Variants in CCDC178 observed in about 807,000 individuals in gnomAD.
The protein encoded by CCDC178 is coiled-coil domain-containing protein 178.
In CCDC178, 126 loss-of-function variants were observed where a neutral mutation model predicts 117.4. The ratio of observed to expected loss-of-function variants is 1.07; its 90% CI spans 0.93 to 1.24. The LOEUF (loss-of-function observed/expected upper bound fraction) is 1.24, where lower values mean the gene tolerates loss of function less well. Among genes scored for constraint, CCDC178 ranks in the 50% most tolerant of loss-of-function variants. CCDC178 has a pLI of 0.00. For synonymous variants in CCDC178, 283 were observed against 313.4 expected, an observed-to-expected ratio of 0.90 and a Z score of 1.02; for missense variants, 1,030 against 986.9, an observed-to-expected ratio of 1.04 and a Z score of -0.59.
intron 6 of CCDC178, among the ~76,000 whole-genome samples, chr18:33,369,419 A>C (rs928713607): frequency 6.6e-6 from 1 of 151,924 alleles, no homozygotes; most frequent in African/African-American, 2.4e-5. Flanking sequence ...AAAATAGCAC[A>C]GGTCTCTGGA....
Position 33,159,313 on chromosome 18 carries a change from C to T in CCDC178, c.2238+52583G>A, listed in dbSNP as rs187998429. ...AAATCTTTATGAAAGTGGCCTAGTG[C>T]CATTTTGTTGAACATTATGGTATGA... On this transcript the variant is annotated intron_variant, in intron 20 of 22. Transcript: ENST00000383096. Among the ~76,000 whole-genome samples the T allele has an allele frequency of 2.7e-3, 417 of 152,138 alleles. 1 individual carries two copies. Among genetic ancestry groups the T allele is most frequent in the Non-Finnish European group, 4.4e-3 (296 of 67,932 alleles).
At chr18:33,166,143 C>T (rs2058525720) in intron 20 of CCDC178, among the ~76,000 whole-genome samples, 1 of 152,128 alleles carries the variant, frequency 6.6e-6, no homozygotes, top group African/African-American at 2.4e-5. Flanking sequence ...TTTATAGGTC[C>T]TTCCTCTCCC....
chr18:33,080,312 G>A (rs917911858), intron 21 of CCDC178, among the ~76,000 whole-genome samples: 5 of 152,010 alleles, frequency 3.3e-5, no homozygotes, highest in African/African-American at 1.2e-4. Flanking sequence ...ACAGAAAATA[G>A]GTACTATGTT....
intron 22 of CCDC178, among the ~76,000 whole-genome samples, chr18:32,952,962 T>C: frequency 6.6e-6 from 1 of 151,718 alleles, no homozygotes; most frequent in African/African-American, 2.4e-5. Context: ...TTAGTAGAGA[T>C]GGGGTTTCAC....
intron 21 of CCDC178, among the ~76,000 whole-genome samples, chr18:33,058,425 A>G (rs1400285672): frequency 6.6e-6 from 1 of 152,226 alleles, no homozygotes; most frequent in Non-Finnish European, 1.5e-5. Flanking sequence ...TGCATCCTCA[A>G]TGGCCATAGT....
chr18:33,365,964 A>G (rs2063199702), intron 6 of CCDC178, among the ~76,000 whole-genome samples: 1 of 152,076 alleles, frequency 6.6e-6, no homozygotes, highest in Non-Finnish European at 1.5e-5. Context: ...CACTCTGAAG[A>G]GTTTTTCAGT....
intron 22 of CCDC178, chr18:32,938,379 C>T (rs1198904501): frequency 3.8e-6 from 1 of 259,796 alleles, no homozygotes; most frequent in African/African-American, 2.2e-5. Context: ...CACTATCATC[C>T]TTGTCCCATT....
intron 21 of CCDC178, among the ~76,000 whole-genome samples, chr18:33,085,370 T>A (rs1279173346): frequency 6.6e-6 from 1 of 152,296 alleles, no homozygotes; most frequent in East Asian, 1.9e-4. Flanking sequence ...GAGACCATCC[T>A]GGCTAACACG....
chr18:33,051,078 A>T (rs1003046560), intron 21 of CCDC178, among the ~76,000 whole-genome samples: 8 of 152,072 alleles, frequency 5.3e-5, no homozygotes, highest in Non-Finnish European at 1.0e-4. Flanking sequence ...TCGCCCAGCT[A>T]ATTTTTGTAT....
chr18:33,305,007 A>G (rs970105321), intron 11 of CCDC178, among the ~76,000 whole-genome samples: 6 of 152,076 alleles, frequency 3.9e-5, no homozygotes, highest in African/African-American at 1.4e-4. Flanking sequence ...GCTCCTTCTT[A>G]TCAGTTCTGT....
intron 20 of CCDC178, among the ~76,000 whole-genome samples, chr18:33,163,930 C>T (rs1044101025): frequency 6.6e-6 from 1 of 152,030 alleles, no homozygotes; most frequent in South Asian, 2.1e-4. Context: ...AATATAGTAA[C>T]TTTATATCAG....
chr18:33,385,300 A>G (rs1270390978), intron 5 of CCDC178, among the ~76,000 whole-genome samples: 1 of 152,234 alleles, frequency 6.6e-6, no homozygotes, highest in Non-Finnish European at 1.5e-5. Context: ...AGTATTAGAC[A>G]GATCATTGAG....
chr18:33,226,292 C>G (rs561404345), intron 16 of CCDC178, among the ~76,000 whole-genome samples: 1 of 152,122 alleles, frequency 6.6e-6, no homozygotes, highest in Non-Finnish European at 1.5e-5. Flanking sequence ...TCTAGAAACA[C>G]GGCATGGATC....
At chr18:33,003,333 T>C (rs1454357314) in intron 21 of CCDC178, among the ~76,000 whole-genome samples, 1 of 152,158 alleles carries the variant, frequency 6.6e-6, no homozygotes, top group Non-Finnish European at 1.5e-5. Flanking sequence ...AAGGATCATT[T>C]ATCATGACCA....
At chr18:33,380,994 T>C (rs1254121342) in intron 5 of CCDC178, among the ~76,000 whole-genome samples, 1 of 152,164 alleles carries the variant, frequency 6.6e-6, no homozygotes, top group Admixed American at 6.5e-5. Context: ...CTTTTCTTTT[T>C]ACATCTCTGT....
intron 7 of CCDC178, among the ~76,000 whole-genome samples, chr18:33,355,499 T>C (rs1043182265): frequency 1.3e-5 from 2 of 152,232 alleles, no homozygotes; most frequent in Non-Finnish European, 2.9e-5. Flanking sequence ...CTGTCTTCAA[T>C]TCCTGCCCAT....
Position 33,421,978 on chromosome 18 carries a change from G to A in CCDC178, c.-22-9868C>T, listed in dbSNP as rs148081085. Among the ~76,000 whole-genome samples the A allele has an allele frequency of 1.7e-3, 261 of 152,234 alleles. 3 individuals carry two copies. Among genetic ancestry groups the A allele is most frequent in the African/African-American group, 5.8e-3 (242 of 41,534 alleles). On this transcript the variant is annotated intron_variant, in intron 2 of 22. Coordinates refer to ENST00000383096, the MANE Select transcript of CCDC178 (RefSeq NM_001105528.4). ...AACGAAACAGAAGAAATCAGACTTA[G>A]ATTTGAATTCACTATCCCAAAACCC...
intron 20 of CCDC178, among the ~76,000 whole-genome samples, chr18:33,186,292 G>T (rs2058793877): frequency 6.6e-6 from 1 of 152,004 alleles, no homozygotes; most frequent in Admixed American, 6.6e-5. Flanking sequence ...GTGTGTATGT[G>T]TGTGTGTGTA....
chr18:33,160,322 G>A (rs1013172824), intron 20 of CCDC178, among the ~76,000 whole-genome samples: 1 of 152,090 alleles, frequency 6.6e-6, no homozygotes, highest in African/African-American at 2.4e-5. Context: ...TGTGTTCACA[G>A]ATGTCCTCTT....
Sources: gnomAD v4.1 joint callset for allele counts (sites outside exome capture counted in the v4.1 genomes callset) on GRCh38, gnomAD v4.1.1 for gene constraint, MANE v1.5 for transcripts, NCBI Gene and HGNC (gene_info 2026-07-23, HGNC 2026-07-21) for gene names.